The following ATXN1 variants were observed in gnomAD, a reference collection of about 807,000 sequenced individuals.
The protein encoded by ATXN1 is ataxin 1, also known as ataxin-1.
ATXN1 carries 8 observed loss-of-function variants against 56.4 expected under a neutral mutation model. The observed-to-expected ratio is 0.14, with a 90% CI of 0.08 to 0.26. The LOEUF is 0.26. ATXN1 is among the 10% of genes least tolerant of loss of function. The pLI is 1.00. For missense variants in ATXN1, 987 were observed against 1,106.5 expected (o/e 0.89, Z 1.53); for synonymous variants, 514 against 494.6 (o/e 1.04, Z -0.52).
At chr6:16,454,400 A>G (rs1253555419) in intron 6 of ATXN1, among the ~76,000 whole-genome samples, 1 of 152,192 alleles carries the variant, frequency 6.6e-6, no homozygotes, top group African/African-American at 2.4e-5. Context: ...GGGCAGCAGC[A>G]TAATTGCATA....
rs183323871 is a variant in ATXN1 at position 16,743,416 on chromosome 6, A to G, written c.-615+9817T>C. On this transcript the variant is annotated intron_variant, in intron 2 of 7. Coordinates refer to ENST00000436367, the MANE Select transcript of ATXN1 (RefSeq NM_001128164.2). ...AACAGGTGCCATAGCTTTTTCCACCACTGTGGTTCACAGGACCCCATGCTG... is the reference window on the plus strand; with the variant it reads ...AACAGGTGCCATAGCTTTTTCCACCGCTGTGGTTCACAGGACCCCATGCTG... Among the ~76,000 whole-genome samples the G allele has an allele frequency of 3.3e-3, 499 of 152,320 alleles. 3 individuals carry two copies. The highest frequency in any genetic ancestry group is 0.031 in the Middle Eastern group (9 of 294).
At chr6:16,561,630 G>C (rs1199975220) in intron 4 of ATXN1, among the ~76,000 whole-genome samples, 1 of 152,116 alleles carries the variant, frequency 6.6e-6, no homozygotes, top group Non-Finnish European at 1.5e-5. Flanking sequence ...AGTAAGAAAG[G>C]TCCCATTAAA....
chr6:16,471,688 C>CAT (rs148496016), intron 6 of ATXN1, among the ~76,000 whole-genome samples: 1 of 149,294 alleles, frequency 6.7e-6, no homozygotes, highest in African/African-American at 2.5e-5. Flanking sequence ...TGCATGCATG[C>CAT]GTGTGTGTGT....
chr6:16,755,872 A>G (rs1005098069), intron 1 of ATXN1, among the ~76,000 whole-genome samples: 1 of 152,200 alleles, frequency 6.6e-6, no homozygotes, highest in Non-Finnish European at 1.5e-5. Context: ...ACATTGTGGC[A>G]ATTATCATTA....
intron 2 of ATXN1, among the ~76,000 whole-genome samples, chr6:16,725,577 C>A (rs898319591): frequency 1.3e-5 from 2 of 152,154 alleles, no homozygotes; most frequent in Non-Finnish European, 2.9e-5. Context: ...GGTTGAAATG[C>A]CCTGTGAAAA....
chr6:16,390,592 G>T (rs9477120), intron 6 of ATXN1, among the ~76,000 whole-genome samples: 5 of 151,642 alleles, frequency 3.3e-5, no homozygotes, highest in Non-Finnish European at 5.9e-5. Flanking sequence ...TATCTCTAGC[G>T]TCATATCTCC....
rs2299083 is a variant in ATXN1, at chr6:16,540,507, C to T, written c.-360-17819G>A. Among the ~76,000 whole-genome samples, 89 of 152,246 alleles carry T rather than the reference C, an allele frequency of 5.8e-4. No individual in the cohort carries two copies. In the East Asian group the frequency reaches 0.014, roughly 24 times the overall value. On this transcript the variant is annotated intron_variant, in intron 4 of 7. Coordinates refer to ENST00000436367, the MANE Select transcript of ATXN1 (RefSeq NM_001128164.2). Reference sequence around the variant, plus strand: ...GATTACAGGCATGAGCCACTGCGCCCGGAACTGATTCAGCTCTCCCAACAG... The same window carrying T: ...GATTACAGGCATGAGCCACTGCGCCTGGAACTGATTCAGCTCTCCCAACAG...
At chr6:16,582,991 A>G (rs2113762195) in intron 4 of ATXN1, among the ~76,000 whole-genome samples, 1 of 152,268 alleles carries the variant, frequency 6.6e-6, no homozygotes, top group African/African-American at 2.4e-5. Context: ...TTCCTGACCT[A>G]TATTTGCTAA....
chr6:16,313,200 G>C (rs778499394), intron 7 of ATXN1, among the ~76,000 whole-genome samples: 4 of 152,118 alleles, frequency 2.6e-5, no homozygotes, highest in Non-Finnish European at 4.4e-5. Context: ...ACTTTAGAAG[G>C]CTAGCTCATC....
chr6:16,316,831 G>C (rs72630), intron 7 of ATXN1, among the ~76,000 whole-genome samples: 64,958 of 146,268 alleles, frequency 0.44, 14,676 homozygotes, highest in East Asian at 0.52. Context: ...AATGGTACAA[G>C]TGGACAACAG....
intron 3 of ATXN1, among the ~76,000 whole-genome samples, chr6:16,610,559 T>G (rs1379607750): frequency 6.6e-6 from 1 of 152,032 alleles, no homozygotes; most frequent in Non-Finnish European, 1.5e-5. Flanking sequence ...ACTAACCAAC[T>G]TTCCTACTAA....
intron 4 of ATXN1, among the ~76,000 whole-genome samples, chr6:16,541,555 A>C (rs1761713798): frequency 6.6e-6 from 1 of 152,176 alleles, no homozygotes; most frequent in African/African-American, 2.4e-5. Context: ...AGGGCTTTGC[A>C]CGCTGCTCCC....
intron 5 of ATXN1, among the ~76,000 whole-genome samples, chr6:16,486,536 G>A (rs922407534): frequency 6.6e-6 from 1 of 152,130 alleles, no homozygotes; most frequent in African/African-American, 2.4e-5. Flanking sequence ...AATGCAAAGC[G>A]TTGTTGGTGG....
intron 5 of ATXN1, among the ~76,000 whole-genome samples, chr6:16,515,414 C>T (rs1761162919): frequency 6.6e-6 from 1 of 152,200 alleles, no homozygotes. Context: ...TCCTCCCTCC[C>T]TACCACTACC....
intron 2 of ATXN1, among the ~76,000 whole-genome samples, chr6:16,665,632 G>A (rs1237163596): frequency 6.6e-6 from 1 of 152,188 alleles, no homozygotes; most frequent in Non-Finnish European, 1.5e-5. Context: ...TAAAAGCACA[G>A]AACTCTAGGT....
chr6:16,391,808 C>A (rs1758359980), intron 6 of ATXN1, among the ~76,000 whole-genome samples: 1 of 152,122 alleles, frequency 6.6e-6, no homozygotes, highest in Non-Finnish European at 1.5e-5. Flanking sequence ...TTGTGGACTC[C>A]AGGCCTCTAA....
chr6:16,657,254 T>A (rs1758226055), intron 3 of ATXN1, among the ~76,000 whole-genome samples: 2 of 152,188 alleles, frequency 1.3e-5, no homozygotes, highest in South Asian at 2.1e-4. Context: ...CCCAAAGTGC[T>A]GGGATTACAG....
chr6:16,682,378 G>C (rs532283334), intron 2 of ATXN1, among the ~76,000 whole-genome samples: 1 of 151,910 alleles, frequency 6.6e-6, no homozygotes, highest in Non-Finnish European at 1.5e-5. Flanking sequence ...TGTATTTTTA[G>C]TAAAGATGCA....
At chr6:16,429,307 C>T (rs1342849626) in intron 6 of ATXN1, among the ~76,000 whole-genome samples, 1 of 150,250 alleles carries the variant, frequency 6.7e-6, no homozygotes, top group Non-Finnish European at 1.5e-5. Flanking sequence ...AAGTTTCTCA[C>T]TGGCACTGCA....
Sources: gnomAD v4.1 joint callset for allele counts (sites outside exome capture counted in the v4.1 genomes callset) on GRCh38, gnomAD v4.1.1 for gene constraint, MANE v1.5 for transcripts, NCBI Gene and HGNC (gene_info 2026-07-23, HGNC 2026-07-21) for gene names.